HTR2A: variants seen among roughly 807,000 people sequenced by gnomAD.
HTR2A encodes 5-HT2 receptor.
Under a neutral mutation model 31.0 loss-of-function variants are expected in HTR2A, and 14 were observed. That is an observed-to-expected ratio of 0.45 (90% CI 0.30 to 0.71). The LOEUF (loss-of-function observed/expected upper bound fraction) is 0.71. HTR2A is among the 30% of genes least tolerant of loss of function. HTR2A has a pLI of 0.09. For missense variants in HTR2A, 442 were observed against 573.3 expected (o/e 0.77, Z 2.34); for synonymous variants, 209 against 225.2 (o/e 0.93, Z 0.64).
At chr13:46,871,038 C>T (rs894980032) in intron 3 of HTR2A, among the ~76,000 whole-genome samples, 7 of 152,200 alleles carry the variant, frequency 4.6e-5, no homozygotes, top group Admixed American at 4.6e-4. Context: ...TCCATTATGC[C>T]AGAGCAACTT....
At chr13:46,894,586 C>G (rs1951086161) in intron 2 of HTR2A, among the ~76,000 whole-genome samples, 1 of 152,180 alleles carries the variant, frequency 6.6e-6, no homozygotes, top group South Asian at 2.1e-4. Context: ...TAAGACTTGA[C>G]CAGAAAATTT....
At chr13:46,850,930 G>A (rs1472006074) in intron 3 of HTR2A, among the ~76,000 whole-genome samples, 3 of 152,042 alleles carry the variant, frequency 2.0e-5, no homozygotes, top group Non-Finnish European at 4.4e-5. Context: ...CAGCTAATTG[G>A]TGTCCCGTAC....
intron 3 of HTR2A, among the ~76,000 whole-genome samples, chr13:46,840,588 G>A (rs1950590471): frequency 6.6e-6 from 1 of 152,162 alleles, no homozygotes; most frequent in Admixed American, 6.6e-5. Context: ...CCAAGCTTAA[G>A]TAATTTAGTT....
intron 3 of HTR2A, among the ~76,000 whole-genome samples, chr13:46,840,591 A>G (rs1487214873): frequency 1.3e-5 from 2 of 152,178 alleles, no homozygotes; most frequent in African/African-American, 4.8e-5. Flanking sequence ...AGCTTAAGTA[A>G]TTTAGTTAGA....
At chr13:46,885,184 C>A (rs922729586) in intron 3 of HTR2A, among the ~76,000 whole-genome samples, 7 of 152,128 alleles carry the variant, frequency 4.6e-5, no homozygotes, top group Non-Finnish European at 1.0e-4. Context: ...ACTACAAGCA[C>A]TATGATGCCA....
intron 3 of HTR2A, among the ~76,000 whole-genome samples, chr13:46,873,384 T>C (rs1211498552): frequency 6.7e-6 from 1 of 148,334 alleles, no homozygotes; most frequent in Admixed American, 6.8e-5. Flanking sequence ...ATACATTTTA[T>C]TTAACACAGT....
At chr13:46,854,644 A>G (rs1225176148) in intron 3 of HTR2A, among the ~76,000 whole-genome samples, 2 of 152,168 alleles carry the variant, frequency 1.3e-5, no homozygotes, top group African/African-American at 4.8e-5. Flanking sequence ...TTTGAGGCTG[A>G]AAGTTGCCCT....
chr13:46,882,496 A>G (rs567700673), intron 3 of HTR2A, among the ~76,000 whole-genome samples: 23 of 152,366 alleles, frequency 1.5e-4, no homozygotes, highest in African/African-American at 4.8e-4. Flanking sequence ...AAACAAAACC[A>G]TAAAAGTAAT....
At chr13:46,837,548 T>C (rs1304322774) in intron 3 of HTR2A, among the ~76,000 whole-genome samples, 1 of 152,152 alleles carries the variant, frequency 6.6e-6, no homozygotes, top group Non-Finnish European at 1.5e-5. Context: ...TGGTTACTGC[T>C]TCTGACCGTC....
intron 3 of HTR2A, among the ~76,000 whole-genome samples, chr13:46,858,578 T>G (rs1465177329): frequency 6.6e-6 from 1 of 152,158 alleles, no homozygotes; most frequent in Non-Finnish European, 1.5e-5. Flanking sequence ...TTTTAGGAAT[T>G]AGACTGGCAC....
At chr13:46,885,715 G>A (rs1458188921) in intron 3 of HTR2A, among the ~76,000 whole-genome samples, 1 of 152,242 alleles carries the variant, frequency 6.6e-6, no homozygotes, top group African/African-American at 2.4e-5. Context: ...TTGAGAGAGT[G>A]CAAGTGGTGC....
chr13:46,893,372 A>C (rs1366204815), intron 2 of HTR2A, among the ~76,000 whole-genome samples: 1 of 152,180 alleles, frequency 6.6e-6, no homozygotes, highest in South Asian at 2.1e-4. Flanking sequence ...CAGGCTGTAG[A>C]ATTTGCATCT....
At chr13:46,859,859 G>A (rs1403400767) in intron 3 of HTR2A, among the ~76,000 whole-genome samples, 1 of 152,168 alleles carries the variant, frequency 6.6e-6, no homozygotes, top group African/African-American at 2.4e-5. Context: ...TCTTTTACCT[G>A]AGTATAGCCA....
chr13:46,842,993 G>A (rs1224122668), intron 3 of HTR2A, among the ~76,000 whole-genome samples: 1 of 152,202 alleles, frequency 6.6e-6, no homozygotes, highest in Non-Finnish European at 1.5e-5. Context: ...ACTGTTCTGA[G>A]TAGTGTGATA....
At chr13:46,851,197 A>G (rs1950682443) in intron 3 of HTR2A, among the ~76,000 whole-genome samples, 1 of 152,236 alleles carries the variant, frequency 6.6e-6, no homozygotes, top group Admixed American at 6.5e-5. Context: ...TAGTAAAACC[A>G]GTTTCATATC....
At chr13:46,840,845 C>T (rs747861162) in intron 3 of HTR2A, among the ~76,000 whole-genome samples, 3 of 152,214 alleles carry the variant, frequency 2.0e-5, no homozygotes, top group Admixed American at 6.5e-5. Context: ...ATTCTAGCCC[C>T]TAATATGACT....
chr13:46,860,549 GA>G (rs1282298896), intron 3 of HTR2A, among the ~76,000 whole-genome samples: 5 of 152,090 alleles, frequency 3.3e-5, no homozygotes, highest in African/African-American at 9.7e-5. Flanking sequence ...GAGCTTTATT[GA>G]AAAAAGTCAA....
rs768996955 is a variant in HTR2A, at chr13:46,895,937, G to A, written c.-31C>T. 11 of 1,578,630 alleles carry A rather than the reference G, an allele frequency of 7.0e-6. No individual in the cohort carries two copies. The highest frequency in any genetic ancestry group is 2.7e-5 in the African/African-American group (2 of 74,028). ...AGCCAGAACTTGTAGCAGATGAGGT[G>A]TAGAAGGACTAACAGGTTATAGTTT... On this transcript the variant is annotated 5_prime_UTR_variant, in exon 2 of 4. Transcript: ENST00000542664. The surrounding 1 kb of genome is among the most constrained non-coding windows in gnomAD (Gnocchi z 4.4).
intron 3 of HTR2A, among the ~76,000 whole-genome samples, chr13:46,849,353 A>G (rs537336654): frequency 6.6e-6 from 1 of 152,254 alleles, no homozygotes; most frequent in East Asian, 1.9e-4. Context: ...AATTACCACA[A>G]GACCTTCCCC....
Sources: gnomAD v4.1 joint callset for allele counts (sites outside exome capture counted in the v4.1 genomes callset) on GRCh38, gnomAD v4.1.1 for gene constraint, Gnocchi (gnomAD v3.1) non-coding constraint, MANE v1.5 for transcripts, NCBI Gene and HGNC (gene_info 2026-07-23, HGNC 2026-07-21) for gene names.